PLCB1: variants seen among roughly 807,000 people sequenced by gnomAD.
PLCB1 encodes phospholipase C beta 1.
Under a neutral mutation model 161.8 loss-of-function variants are expected in PLCB1, and 46 were observed. The observed-to-expected ratio is 0.28, with a 90% CI of 0.22 to 0.36. The LOEUF is 0.36. Among genes scored for constraint, PLCB1 ranks in the 10% least tolerant of loss-of-function variants. The pLI, the probability that PLCB1 is intolerant of heterozygous loss-of-function variation, is 1.00. For synonymous variants in PLCB1, 517 were observed against 503.7 expected (o/e 1.03, Z -0.35); for missense variants, 1,016 against 1,472.5 (o/e 0.69, Z 5.07).
At chr20:8,689,934 A>G (rs997362830) in intron 10 of PLCB1, among the ~76,000 whole-genome samples, 6 of 45,872 alleles carry the variant, frequency 1.3e-4, no homozygotes, top group African/African-American at 2.7e-4. Context: ...TACCTTTTTT[A>G]TGAAGAAAGA....
At chr20:8,833,162 A>G (rs1986096540) in intron 31 of PLCB1, among the ~76,000 whole-genome samples, 1 of 152,220 alleles carries the variant, frequency 6.6e-6, no homozygotes, top group African/African-American at 2.4e-5. Context: ...TGCTGCCAAT[A>G]AAGACATCCC....
chr20:8,282,913 C>T (rs906547091), intron 2 of PLCB1, among the ~76,000 whole-genome samples: 3 of 139,642 alleles, frequency 2.1e-5, no homozygotes, highest in African/African-American at 8.7e-5. Context: ...ATCCAAGTGT[C>T]TTATGATTAG....
chr20:8,498,819 G>C (rs1983287376), intron 3 of PLCB1, among the ~76,000 whole-genome samples: 1 of 152,220 alleles, frequency 6.6e-6, no homozygotes. Flanking sequence ...GGAACTTATA[G>C]GAGAGCTGTG....
intron 31 of PLCB1, among the ~76,000 whole-genome samples, chr20:8,878,918 C>T (rs1987875133): frequency 6.6e-6 from 1 of 151,994 alleles, no homozygotes; most frequent in Admixed American, 6.6e-5. Context: ...AAATAATAAA[C>T]ATAGTACCCA....
chr20:8,274,116 A>T (rs564801844), intron 2 of PLCB1, among the ~76,000 whole-genome samples: 1 of 152,134 alleles, frequency 6.6e-6, no homozygotes, highest in Non-Finnish European at 1.5e-5. Flanking sequence ...ACTGTTAGCA[A>T]CTTTCCATAT....
intron 3 of PLCB1, among the ~76,000 whole-genome samples, chr20:8,470,608 G>A (rs577057433): frequency 1.3e-5 from 2 of 152,066 alleles, no homozygotes; most frequent in East Asian, 1.9e-4. Context: ...GCAGTGGTGC[G>A]ATCACAGCTC....
chr20:8,554,035 A>G (rs12481472), intron 3 of PLCB1, among the ~76,000 whole-genome samples: 16,510 of 151,724 alleles, frequency 0.11, 990 homozygotes, highest in African/African-American at 0.14. Context: ...TTAACTCCAC[A>G]AAAGTCATTA....
At position 8,482,092 on chromosome 20, in the gene PLCB1, A is replaced by ATTTTTTTTTTTTTTTTTT. The variant is rs199634903; in HGVS notation, c.246+110655_246+110672dup. Among the ~76,000 whole-genome samples the ATTTTTTTTTTTTTTTTTT allele has an allele frequency of 9.5e-5, 10 of 104,882 alleles. 2 individuals are homozygous for ATTTTTTTTTTTTTTTTTT. The highest frequency in any genetic ancestry group is 2.0e-4 in the Admixed American group (2 of 9,922). 68.8% of individuals were successfully genotyped at this position (104,882 alleles called of 152,430 possible). ...TTCAATTTATTTTGTGCTTGAAGGA[A>ATTTTTTTTTTTTTTTTTT]TTTTTTTTTTTTTTTTTTTTTTTTT... On this transcript the variant is annotated intron_variant, in intron 3 of 31. Coordinates refer to ENST00000338037, the MANE Select transcript of PLCB1 (RefSeq NM_015192.4).
intron 3 of PLCB1, among the ~76,000 whole-genome samples, chr20:8,535,714 G>A (rs572944102): frequency 1.6e-3 from 247 of 152,196 alleles, no homozygotes; most frequent in African/African-American, 5.1e-3. Context: ...ACAGAAGAAT[G>A]TGCAGTCTTT....
At chr20:8,228,142 G>A (rs1979801250) in intron 2 of PLCB1, among the ~76,000 whole-genome samples, 1 of 152,002 alleles carries the variant, frequency 6.6e-6, no homozygotes, top group African/African-American at 2.4e-5. Flanking sequence ...CCTGGCGACA[G>A]AAGTGAGACT....
At chr20:8,600,707 CG>C (rs1165788761) in intron 3 of PLCB1, 1 of 151,546 alleles carries the variant, frequency 6.6e-6, no homozygotes, top group African/African-American at 2.4e-5. Context: ...GCCTCGCTGC[CG>C]CCTTGCAGTT....
At position 8,213,905 on chromosome 20, in the gene PLCB1, A is replaced by G. The variant is rs574117688; in HGVS notation, c.177+63534A>G. Among the ~76,000 whole-genome samples the G allele has an allele frequency of 3.3e-5, 5 of 152,164 alleles. No homozygotes were observed. In the East Asian group the frequency reaches 9.7e-4, roughly 29 times the overall value. The stretch of plus-strand genomic sequence containing the variant: ...ATGCGGTTACTTTCCAGCATTTAGC[A>G]AGGAAATACAAATAACGTCATTTTC... On this transcript the variant is annotated intron_variant, in intron 2 of 31. Coordinates refer to ENST00000338037, the MANE Select transcript of PLCB1 (RefSeq NM_015192.4).
At chr20:8,403,829 A>G (rs773626695) in intron 3 of PLCB1, among the ~76,000 whole-genome samples, 11 of 152,190 alleles carry the variant, frequency 7.2e-5, no homozygotes, top group Non-Finnish European at 5.9e-5. Context: ...AGGTGCACCC[A>G]TGAACATTCA....
intron 3 of PLCB1, among the ~76,000 whole-genome samples, chr20:8,600,967 G>T (rs1365530313): frequency 6.6e-6 from 1 of 152,060 alleles, no homozygotes; most frequent in Non-Finnish European, 1.5e-5. Flanking sequence ...GCTCGCGCAC[G>T]GTGCGCGCAC....
chr20:8,336,571 G>A (rs1027272730), intron 2 of PLCB1, among the ~76,000 whole-genome samples: 2 of 152,134 alleles, frequency 1.3e-5, no homozygotes, highest in African/African-American at 2.4e-5. Context: ...TCTGATTCAG[G>A]AGGTCTGGGC....
intron 3 of PLCB1, among the ~76,000 whole-genome samples, chr20:8,581,418 T>C (rs142739788): frequency 3.6e-4 from 55 of 152,266 alleles, no homozygotes; most frequent in African/African-American, 1.3e-3. Context: ...TAGGATGACA[T>C]TTGAAATCTT....
At chr20:8,877,969 C>T (rs1399468644) in intron 31 of PLCB1, among the ~76,000 whole-genome samples, 1 of 151,674 alleles carries the variant, frequency 6.6e-6, no homozygotes, top group African/African-American at 2.4e-5. Flanking sequence ...TATTAAAAAT[C>T]ATCATCAAAA....
intron 13 of PLCB1, among the ~76,000 whole-genome samples, chr20:8,716,901 A>G (rs1979346131): frequency 6.6e-6 from 1 of 152,188 alleles, no homozygotes; most frequent in South Asian, 2.1e-4. Context: ...ATCTCCATGC[A>G]TTTGTAAGTG....
At chr20:8,188,790 G>A (rs1339598616) in intron 2 of PLCB1, among the ~76,000 whole-genome samples, 1 of 152,084 alleles carries the variant, frequency 6.6e-6, no homozygotes, top group Non-Finnish European at 1.5e-5. Flanking sequence ...AGAGTCAAAC[G>A]TTAACATATC....
Sources: gnomAD v4.1 joint callset for allele counts (sites outside exome capture counted in the v4.1 genomes callset) on GRCh38, gnomAD v4.1.1 for gene constraint, MANE v1.5 for transcripts, NCBI Gene and HGNC (gene_info 2026-07-23, HGNC 2026-07-21) for gene names.